Variants in KRT71 observed in about 807,000 individuals in gnomAD.
The protein encoded by KRT71 is keratin, type II cytoskeletal 71.
Under a neutral mutation model 46.2 loss-of-function variants are expected in KRT71, and 42 were observed. That is an observed-to-expected ratio of 0.91 (90% CI 0.71 to 1.18). The LOEUF is 1.18. Among genes scored for constraint, KRT71 ranks in the 50% most tolerant of loss-of-function variants. The pLI is 0.00. For missense variants in KRT71, 708 were observed against 677.9 expected, an observed-to-expected ratio of 1.04 and a Z score of -0.49; for synonymous variants, 292 against 277.8, an observed-to-expected ratio of 1.05 and a Z score of -0.51.
intron 4 of KRT71, 69 bp from the exon 5 acceptor site, chr12:52,548,385 G>C (rs1194156751): frequency 5.9e-6 from 9 of 1,524,542 alleles, no homozygotes; most frequent in Non-Finnish European, 7.1e-6. Context: ...CCCCAAACAA[G>C]ATGAGCAAAT....
At chr12:52,549,435 C>A (rs544547423) in intron 2 of KRT71, 82 bp from the exon 3 acceptor site, 227 of 1,169,086 alleles carry the variant, frequency 1.9e-4, no homozygotes, top group Non-Finnish European at 2.7e-4. Flanking sequence ...CAAGGAGCAG[C>A]GTGTCCATCA....
In KRT71 at chr12:52,547,885, C is replaced by A. The variant is rs1056536003; in HGVS notation, c.1076G>T (p.Arg359Leu). ...SELTRLIQRI[R>L]SEIENVKKQA... is the part of the protein sequence containing the mutation. ...CTTCTTCACGTTCTCGATCTCTGAG[C>A]GGATTCTCTGGATGAGCCGAGTGAG... Residue 359 changes from arginine (R) to leucine (L), a missense_variant, in exon 6 of 9, where the codon CGC becomes CTC. Coordinates refer to ENST00000267119, the MANE Select transcript of KRT71 (RefSeq NM_033448.3). The A allele has an allele frequency of 1.2e-6, 2 of 1,614,136 alleles. No homozygotes were observed. The highest frequency in any genetic ancestry group is 1.3e-5 in the African/African-American group (1 of 75,028).
rs1223284028 is a variant in KRT71, at chr12:52,546,496, A to G, written c.1115T>C (p.Leu372Pro). The G allele has an allele frequency of 1.2e-6, 2 of 1,613,894 alleles. No individual in the cohort carries two copies. ...CTCAGCATCAGCGATGGCTGTCTCCAGGTTGGAAGCCTAAGGAAGGAATTG... is the reference window on the plus strand; with the variant it reads ...CTCAGCATCAGCGATGGCTGTCTCCGGGTTGGAAGCCTAAGGAAGGAATTG... Reference protein sequence around the residue: ...IENVKKQASNLETAIADAEQR... With the variant: ...IENVKKQASNPETAIADAEQR... The change falls in exon 7 of 9, where the codon CTG (leucine) becomes CCG (proline). Residue 372 changes from leucine (L) to proline (P), a missense_variant. Physicochemically the swap from Leu to Pro is moderately conservative, Grantham distance 98. Coordinates refer to ENST00000267119, the MANE Select transcript of KRT71 (RefSeq NM_033448.3).
intron 1 of KRT71, 32 bp from the exon 2 acceptor site, chr12:52,550,275 C>T (rs759789269): frequency 3.1e-6 from 5 of 1,610,722 alleles, no homozygotes; most frequent in Admixed American, 3.3e-5. Flanking sequence ...CTGCTGAACC[C>T]TTGCAGTAAT....
rs1383063634 is a variant in KRT71 at position 52,546,603 on chromosome 12, C to T, written c.1105-97G>A. Reference sequence around the variant, plus strand: ...GTCCTTAGAGTGGGGCAGAGTGGCCCGCCTCCACCCTACACACACCATCAC... The same window carrying T: ...GTCCTTAGAGTGGGGCAGAGTGGCCTGCCTCCACCCTACACACACCATCAC... On this transcript the variant is annotated intron_variant, in intron 6 of 8. Coordinates refer to ENST00000267119, the MANE Select transcript of KRT71 (RefSeq NM_033448.3). The T allele has an allele frequency of 4.2e-6, 5 of 1,180,334 alleles. 1 individual carries two copies. The South Asian group carries it at 4.4e-5, about 10-fold the overall frequency. The allele number at this position is 1,180,334 out of a possible 1,614,324, so 73.1% of individuals were successfully genotyped here.
intron 1 of KRT71, 117 bp from the exon 2 acceptor site, chr12:52,550,360 T>A: frequency 1.6e-6 from 2 of 1,264,268 alleles, no homozygotes; most frequent in Non-Finnish European, 2.2e-6. Flanking sequence ...CTGAAAGAGG[T>A]GGGCAAATCA....
At position 52,546,252 on chromosome 12, in the gene KRT71, C is replaced by A. The variant is rs1341756551; in HGVS notation, c.1325+34G>T. ...TTCTCCTTTGGGTCTTCCCAAACCC[C>A]TGGGGCCCTCCTGTCTGGGCACGCC... is the stretch of plus-strand genomic sequence containing the variant. On this transcript the variant is annotated intron_variant, in intron 7 of 8. Coordinates refer to ENST00000267119, the MANE Select transcript of KRT71 (RefSeq NM_033448.3). 7 of 1,611,894 alleles carry A rather than the reference C, an allele frequency of 4.3e-6. No individual in the cohort carries two copies. The South Asian group carries it at 7.7e-5, about 18-fold the overall frequency.
chr12:52,547,780 A>G (rs1411662276), intron 6 of KRT71, 77 bp downstream of exon 6: 1 of 1,549,838 alleles, frequency 6.5e-7, no homozygotes, highest in Non-Finnish European at 8.8e-7. Context: ...TGGGAGGCCC[A>G]TGTTCTCAGC....
At position 52,544,373 on chromosome 12, in the gene KRT71, G is replaced by C. The variant is rs909159627; in HGVS notation, c.*159C>G. The C allele has an allele frequency of 6.8e-6, 5 of 732,332 alleles. No individual in the cohort carries two copies. The African/African-American group carries it at 8.6e-5, about 13-fold the overall frequency. 45.4% of individuals were successfully genotyped at this position (732,332 alleles called of 1,614,324 possible). On this transcript the variant is annotated 3_prime_UTR_variant, in exon 9 of 9. Coordinates refer to ENST00000267119, the MANE Select transcript of KRT71 (RefSeq NM_033448.3). ...GTCATCCAGGCCTTCCCAGGATCAG[G>C]AAGACACAGGCTGGGAGAAGTGGGT...
At position 52,546,513 on chromosome 12, in the gene KRT71, A is replaced by C. The variant is rs200732261; in HGVS notation, c.1105-7T>G. 8.5e-4 allele frequency: 1,375 copies of C among 1,612,958 alleles called. No individual in the cohort carries two copies. Among genetic ancestry groups the C allele is most frequent in the Non-Finnish European group, 1.1e-3 (1,274 of 1,179,490 alleles). The stretch of plus-strand genomic sequence containing the variant: ...CTGTCTCCAGGTTGGAAGCCTAAGG[A>C]AGGAATTGGTGAAGTCGAAAAATTT... On this transcript the variant is annotated splice_polypyrimidine_tract_variant and splice_region_variant and intron_variant, in intron 6 of 8. Transcript: ENST00000267119.
rs754355593 is a variant in KRT71, at chr12:52,553,108, G to A, written c.-31C>T. 2.0e-6 allele frequency: 3 copies of A among 1,538,368 alleles called. No individual in the cohort carries two copies. Among genetic ancestry groups the A allele is most frequent in the Admixed American group, 2.0e-5 (1 of 49,500 alleles). On this transcript the variant is annotated 5_prime_UTR_variant, in exon 1 of 9. Transcript: ENST00000267119. ...TGGTGGAGACAAAGCTCAGATGCAGGAGGGAGGAAGGCAAAATCCCAAAAG... is the reference window on the plus strand; with the variant it reads ...TGGTGGAGACAAAGCTCAGATGCAGAAGGGAGGAAGGCAAAATCCCAAAAG...
chr12:52,544,307 A>G lies in KRT71; in HGVS notation c.*225T>C, dbSNP rs1369214762. ...TGTAGCTGGGGGACCACAGCCAAGG[A>G]GTTAATAGGGTGTGTACAGGGAGGA... On this transcript the variant is annotated 3_prime_UTR_variant, in exon 9 of 9. Transcript: ENST00000267119. 1 of 609,214 alleles carries G rather than the reference A, an allele frequency of 1.6e-6. No individual in the cohort carries two copies. The highest frequency in any genetic ancestry group is 2.9e-6 in the Non-Finnish European group (1 of 339,824). 37.7% of individuals were successfully genotyped at this position (609,214 alleles called of 1,614,324 possible). A position where few individuals can be genotyped will look rare whatever the true frequency, so the allele number is the denominator to read the frequency against.
Position 52,549,492 on chromosome 12 carries a change from G to T in KRT71, c.657-139C>A, listed in dbSNP as rs1000124215. On this transcript the variant is annotated intron_variant, in intron 2 of 8. Transcript: ENST00000267119. ...CGCAGAGTACTGGGCAGGGGTAAGT[G>T]GGGGAAGGCTTCCTGGAGGAGGGAA... 7.1e-6 allele frequency: 5 copies of T among 702,134 alleles called. No homozygotes were observed. The Admixed American group carries it at 8.6e-5, about 12-fold the overall frequency. 43.5% of individuals were successfully genotyped at this position (702,134 alleles called of 1,614,324 possible). A position where few individuals can be genotyped will look rare whatever the true frequency, so the allele number is the denominator to read the frequency against.
In KRT71 at chr12:52,546,462, TC is replaced by T; in HGVS notation, c.1148del (p.Gly383GlufsTer5). The T allele has an allele frequency of 6.2e-7, 1 of 1,614,152 alleles. No individual in the cohort carries two copies. Among genetic ancestry groups the T allele is most frequent in the Non-Finnish European group, 8.5e-7 (1 of 1,180,028 alleles). On this transcript the variant is annotated frameshift_variant, in exon 7 of 9. Transcript: ENST00000267119. LOFTEE classifies it high-confidence loss of function. ...ETAIADAEQR[G>X]DNALKDARAK... The stretch of plus-strand genomic sequence containing the variant: ...CCCGGGCATCCTTCAGGGCGTTGTC[TC>T]CCCGCTGCTCAGCATCAGCGATGGC...
chr12:52,550,685 T>A (rs537359898), intron 1 of KRT71, among the ~76,000 whole-genome samples: 20 of 152,372 alleles, frequency 1.3e-4, no homozygotes, highest in African/African-American at 4.8e-4. Context: ...GTATTTTAAA[T>A]GCCTGGAGCA....
Position 52,546,281 on chromosome 12 carries a change from C to T in KRT71, c.1325+5G>A. ...GGCCCTCCTGTCTGGGCACGCCCCG[C>T]CCACCTGCACTCCTCGCTCTCCAGT... On this transcript the variant is annotated splice_donor_5th_base_variant and intron_variant, in intron 7 of 8. Coordinates refer to ENST00000267119, the MANE Select transcript of KRT71 (RefSeq NM_033448.3). 6.2e-7 allele frequency: 1 copy of T among 1,613,970 alleles called. No homozygotes were observed. The highest frequency in any genetic ancestry group is 8.5e-7 in the Non-Finnish European group (1 of 1,179,872).
Position 52,546,390 on chromosome 12 carries a change from C to G in KRT71, c.1221G>C (p.Glu407Asp). 1 of 1,614,204 alleles carries G rather than the reference C, an allele frequency of 6.2e-7. No homozygotes were observed. The highest frequency in any genetic ancestry group is 8.5e-7 in the Non-Finnish European group (1 of 1,180,032). The change falls in exon 7 of 9, where the codon GAG becomes GAC. Residue 407 changes from glutamate to aspartate, a missense_variant. Glu to Asp is a conservative substitution (Grantham distance 45). Coordinates refer to ENST00000267119, the MANE Select transcript of KRT71 (RefSeq NM_033448.3). Reference sequence around the variant, plus strand: ...GGTACTCGCGCAGCATCCGCGCCAGCTCCTCCTTGGCCTGGTGCAGGGCGC... The same window carrying G: ...GGTACTCGCGCAGCATCCGCGCCAGGTCCTCCTTGGCCTGGTGCAGGGCGC... ...LEGALHQAKE[E>D]LARMLREYQE...
chr12:52,552,074 G>C (rs908886294), intron 1 of KRT71, among the ~76,000 whole-genome samples: 79 of 152,330 alleles, frequency 5.2e-4, no homozygotes, highest in Non-Finnish European at 2.9e-5. Context: ...CAGACAGGCA[G>C]ATCACCTTCC....
At chr12:52,550,389 A>G in intron 1 of KRT71, 146 bp from the exon 2 acceptor site, 2 of 1,031,162 alleles carry the variant, frequency 1.9e-6, no homozygotes, top group Non-Finnish European at 2.8e-6. Context: ...TGCTATGGAG[A>G]GAAAACTGAG....
Sources: gnomAD v4.1 joint callset for allele counts (sites outside exome capture counted in the v4.1 genomes callset) on GRCh38, gnomAD v4.1.1 for gene constraint, MANE v1.5 for transcripts, NCBI Gene and HGNC (gene_info 2026-07-23, HGNC 2026-07-21) for gene names.